The following COL4A2 variants were observed in gnomAD, a reference collection of about 807,000 sequenced individuals.
COL4A2 encodes the protein collagen alpha-2(IV) chain.
A neutral mutation model predicts 200.2 loss-of-function variants in COL4A2; 99 were observed. That is an observed-to-expected ratio of 0.49 (90% CI 0.42 to 0.58). The LOEUF (loss-of-function observed/expected upper bound fraction) is 0.58, where lower values mean the gene tolerates loss of function less well. Among genes scored for constraint, COL4A2 ranks in the 20% least tolerant of loss-of-function variants. The probability of loss-of-function intolerance (pLI) is 0.00; values close to 1 mark genes in which losing one functional copy is unlikely to be tolerated. For synonymous variants in COL4A2, 897 were observed against 900.6 expected (o/e 1.00, Z 0.07); for missense variants, 1,950 against 2,314.1 (o/e 0.84, Z 3.23).
At chr13:110,364,719 A>G (rs1267131957) in intron 4 of COL4A2, among the ~76,000 whole-genome samples, 1 of 152,168 alleles carries the variant, frequency 6.6e-6, no homozygotes, top group Non-Finnish European at 1.5e-5. Context: ...TCTAGGATTT[A>G]CTATCTAGAA....
intron 3 of COL4A2, among the ~76,000 whole-genome samples, chr13:110,345,688 T>C (rs1447065804): frequency 1.3e-5 from 2 of 152,090 alleles, no homozygotes; most frequent in Admixed American, 1.3e-4. Flanking sequence ...CATTAGTGAT[T>C]TACAAAAACA....
intron 11 of COL4A2, among the ~76,000 whole-genome samples, chr13:110,433,063 C>T (rs1027796750): frequency 1.3e-5 from 2 of 152,240 alleles, no homozygotes; most frequent in Non-Finnish European, 2.9e-5. Flanking sequence ...CATCTAGGAA[C>T]GTTTCCTTTG....
rs1203003215 is a variant in COL4A2, at chr13:110,307,860, G to A, written c.-44G>A. ...AACTCGCTTTGTCTGTCGCCTCTAG[G>A]CTAAGTGGGACTGACCGGGGCCCAG... On this transcript the variant is annotated splice_region_variant and 5_prime_UTR_variant, in exon 2 of 48. Transcript: ENST00000360467. The surrounding 1 kb of genome is among the most constrained non-coding windows in gnomAD (Gnocchi z 5.0). The A allele has an allele frequency of 6.3e-7, 1 of 1,596,418 alleles. No homozygotes were observed.
chr13:110,450,284 G>A, intron 19 of COL4A2, 21 bp from the exon 20 acceptor site: 1 of 1,610,278 alleles, frequency 6.2e-7, no homozygotes, highest in Non-Finnish European at 8.5e-7. Context: ...CACGCTGCAG[G>A]TGAATGCTGT....
intron 28 of COL4A2, among the ~76,000 whole-genome samples, chr13:110,470,172 T>A (rs948643867): frequency 4.6e-5 from 7 of 152,166 alleles, no homozygotes; most frequent in Admixed American, 1.3e-4. Context: ...CGCCTCAGCC[T>A]GCCAAAGTGC....
At chr13:110,378,454 C>T (rs1037308278) in intron 4 of COL4A2, among the ~76,000 whole-genome samples, 6 of 152,218 alleles carry the variant, frequency 3.9e-5, no homozygotes, top group South Asian at 2.1e-4. Context: ...CGCCTGCGGC[C>T]TCATGAGACA....
At chr13:110,374,825 T>C (rs1213324035) in intron 4 of COL4A2, among the ~76,000 whole-genome samples, 2 of 152,240 alleles carry the variant, frequency 1.3e-5, no homozygotes, top group Non-Finnish European at 2.9e-5. Flanking sequence ...TTTCATTAAG[T>C]GGATAGTTTT....
Position 110,424,935 on chromosome 13 carries a change from C to T in COL4A2, c.316-18C>T. The T allele has an allele frequency of 1.2e-6, 2 of 1,614,218 alleles. No individual in the cohort carries two copies. The highest frequency in any genetic ancestry group is 1.7e-6 in the Non-Finnish European group (2 of 1,180,048). On this transcript the variant is annotated intron_variant, in intron 5 of 47. Coordinates refer to ENST00000360467, the MANE Select transcript of COL4A2 (RefSeq NM_001846.4). ...CGGGTATCTCAGCCTTGGTTAATTG[C>T]ATTTGCTTTCTTCATAGGGAGCAAG...
At chr13:110,338,762 T>A (rs909423077) in intron 3 of COL4A2, among the ~76,000 whole-genome samples, 1 of 152,232 alleles carries the variant, frequency 6.6e-6, no homozygotes, top group African/African-American at 2.4e-5. Context: ...AGACGCAAGC[T>A]GAAAAAATGT....
intron 3 of COL4A2, among the ~76,000 whole-genome samples, chr13:110,319,002 A>G (rs74126230): frequency 1.4e-4 from 22 of 152,048 alleles, no homozygotes; most frequent in African/African-American, 5.3e-4. Flanking sequence ...ATTCTCACGT[A>G]TTTCTTGGTC....
intron 4 of COL4A2, among the ~76,000 whole-genome samples, chr13:110,363,414 A>G (rs1434783475): frequency 3.3e-5 from 5 of 152,232 alleles, no homozygotes. Context: ...TAGCCTCACC[A>G]GATTTCTTAA....
At chr13:110,408,006 G>T (rs1879636553) in intron 4 of COL4A2, among the ~76,000 whole-genome samples, 1 of 152,230 alleles carries the variant, frequency 6.6e-6, no homozygotes, top group South Asian at 2.1e-4. Flanking sequence ...AGGCGTCCAG[G>T]AGGGAGGTAG....
chr13:110,337,602 G>A (rs1876258786), intron 3 of COL4A2, among the ~76,000 whole-genome samples: 1 of 152,210 alleles, frequency 6.6e-6, no homozygotes, highest in African/African-American at 2.4e-5. Flanking sequence ...TGTCCAGACT[G>A]GGGGCTTTTG....
intron 47 of COL4A2, among the ~76,000 whole-genome samples, chr13:110,509,270 T>TATATATATATATATATACACAC (rs1435137108): frequency 8.7e-6 from 1 of 115,600 alleles, no homozygotes; most frequent in African/African-American, 3.5e-5. Flanking sequence ...TATATATATA[T>TATATATATATATATATACACAC]ACACACACAC....
chr13:110,501,461 G>T (rs1883637314), intron 40 of COL4A2, among the ~76,000 whole-genome samples: 1 of 152,126 alleles, frequency 6.6e-6, no homozygotes, highest in Admixed American at 6.5e-5. Flanking sequence ...GGTGGGGGAG[G>T]GGTTCACATA....
At chr13:110,329,968 G>A (rs1381977312) in intron 3 of COL4A2, among the ~76,000 whole-genome samples, 4 of 152,202 alleles carry the variant, frequency 2.6e-5, no homozygotes, top group African/African-American at 9.7e-5. Flanking sequence ...TAAAGGACAA[G>A]ACCAAGTGTG....
chr13:110,465,871 C>T, intron 25 of COL4A2, 132 bp from the exon 26 acceptor site: 1 of 1,125,922 alleles, frequency 8.9e-7, no homozygotes, highest in Non-Finnish European at 1.3e-6. Context: ...CGTTCCCTGC[C>T]CATTTCAAAG....
At chr13:110,430,951 A>T in intron 10 of COL4A2, 1 of 492,822 alleles carries the variant, frequency 2.0e-6, no homozygotes, top group South Asian at 1.5e-5. Flanking sequence ...ACAGGTTCAT[A>T]AGGAGGAAAT....
intron 33 of COL4A2, among the ~76,000 whole-genome samples, 176 bp from the exon 34 acceptor site, chr13:110,485,479 C>T (rs1442252518): frequency 7.2e-6 from 1 of 138,064 alleles, no homozygotes; most frequent in Admixed American, 8.0e-5. Context: ...GCCGAGATTG[C>T]GCCACTGCAC....
Sources: gnomAD v4.1 joint callset for allele counts (sites outside exome capture counted in the v4.1 genomes callset) on GRCh38, gnomAD v4.1.1 for gene constraint, Gnocchi (gnomAD v3.1) non-coding constraint, MANE v1.5 for transcripts, NCBI Gene and HGNC (gene_info 2026-07-23, HGNC 2026-07-21) for gene names.